The following ARHGAP15 variants were observed in gnomAD, a reference collection of about 807,000 sequenced individuals.
The protein encoded by ARHGAP15 is rho GTPase-activating protein 15.
A neutral mutation model predicts 63.7 loss-of-function variants in ARHGAP15; 51 were observed. The ratio of observed to expected loss-of-function variants is 0.80; its 90% CI spans 0.64 to 1.01. ARHGAP15 has a LOEUF of 1.01. ARHGAP15 is among the 50% of genes least tolerant of loss of function. The pLI is 0.00. For missense variants in ARHGAP15, 560 were observed against 564.6 expected, an observed-to-expected ratio of 0.99 and a Z score of 0.08; for synonymous variants, 191 against 193.8, an observed-to-expected ratio of 0.99 and a Z score of 0.12.
At chr2:143,659,970 G>C (rs1459229567) in intron 12 of ARHGAP15, among the ~76,000 whole-genome samples, 1 of 152,084 alleles carries the variant, frequency 6.6e-6, no homozygotes, top group African/African-American at 2.4e-5. Flanking sequence ...GCCACCATGG[G>C]CCAACATCCT....
At chr2:143,287,452 T>G (rs889751770) in intron 6 of ARHGAP15, among the ~76,000 whole-genome samples, 3 of 151,964 alleles carry the variant, frequency 2.0e-5, no homozygotes, top group Non-Finnish European at 2.9e-5. Context: ...CATTGAAAGT[T>G]CACTTCCAAA....
chr2:143,334,071 C>T (rs1188182948), intron 6 of ARHGAP15, among the ~76,000 whole-genome samples: 2 of 152,126 alleles, frequency 1.3e-5, no homozygotes, highest in Non-Finnish European at 2.9e-5. Flanking sequence ...TCAGATACTT[C>T]CATCTTACAC....
At chr2:143,265,096 A>G (rs1274658920) in intron 6 of ARHGAP15, among the ~76,000 whole-genome samples, 1 of 152,196 alleles carries the variant, frequency 6.6e-6, no homozygotes, top group East Asian at 1.9e-4. Flanking sequence ...GAGGCAATAT[A>G]ATTTGGCTTG....
intron 12 of ARHGAP15, among the ~76,000 whole-genome samples, chr2:143,661,831 C>T (rs1027013716): frequency 3.3e-5 from 5 of 152,194 alleles, no homozygotes; most frequent in Admixed American, 2.0e-4. Flanking sequence ...AAAATCGGGT[C>T]ACTCCCACCC....
chr2:143,264,319 A>C (rs1680886623), intron 6 of ARHGAP15, among the ~76,000 whole-genome samples: 1 of 152,062 alleles, frequency 6.6e-6, no homozygotes, highest in Non-Finnish European at 1.5e-5. Context: ...GCTACTTTTC[A>C]AATGGGAAGG....
intron 12 of ARHGAP15, among the ~76,000 whole-genome samples, chr2:143,695,685 C>T (rs150858354): frequency 7.8e-4 from 118 of 152,004 alleles, no homozygotes; most frequent in African/African-American, 2.7e-3. Flanking sequence ...CTGGGCAACA[C>T]GGTGAAACCC....
rs543703244 is a variant in ARHGAP15 at position 143,650,789 on chromosome 2, T to A, written c.1138+26522T>A. ...TCTATATGGTGGCAGTTAACATACC[T>A]CGCTATTTGGTATATAATGTTATTT... On this transcript the variant is annotated intron_variant, in intron 12 of 13. Transcript: ENST00000295095. Among the ~76,000 whole-genome samples, 3 of 152,074 alleles carry A rather than the reference T, an allele frequency of 2.0e-5. No homozygotes were observed. In the South Asian group the frequency reaches 6.2e-4, roughly 31 times the overall value.
At chr2:143,156,060 AT>A (rs559122573) in intron 2 of ARHGAP15, among the ~76,000 whole-genome samples, 8 of 151,410 alleles carry the variant, frequency 5.3e-5, no homozygotes, top group African/African-American at 2.0e-4. Context: ...AAAAAAAAAA[AT>A]GTGAAAATCT....
At chr2:143,132,859 A>G (rs1375511003) in intron 1 of ARHGAP15, among the ~76,000 whole-genome samples, 1 of 152,230 alleles carries the variant, frequency 6.6e-6, no homozygotes, top group Non-Finnish European at 1.5e-5. Context: ...ATCTGATTGA[A>G]ACATGAGTTT....
chr2:143,658,739 C>T (rs943106572), intron 12 of ARHGAP15, among the ~76,000 whole-genome samples: 1 of 152,174 alleles, frequency 6.6e-6, no homozygotes, highest in Non-Finnish European at 1.5e-5. Context: ...CCATGTCCTT[C>T]CTCTGTCACT....
intron 6 of ARHGAP15, among the ~76,000 whole-genome samples, chr2:143,263,948 T>G (rs1680868934): frequency 8.5e-6 from 1 of 117,602 alleles, no homozygotes; most frequent in African/African-American, 3.1e-5. Flanking sequence ...TTTTTTGTGC[T>G]CACCAACATA....
Position 143,231,069 on chromosome 2 carries a change from C to CTTTTTTTTTTTTT in ARHGAP15, c.384+2408_384+2420dup, listed in dbSNP as rs914904536. Reference sequence around the variant, plus strand: ...AGTTGGACTCTAGGGGATGTAATTCCTTTTTTTTTTTTTTTTTTTACCACT... The same window carrying CTTTTTTTTTTTTT: ...AGTTGGACTCTAGGGGATGTAATTCCTTTTTTTTTTTTTTTTTTTTTTTTTTTTTTTTACCACT... On this transcript the variant is annotated intron_variant, in intron 5 of 13. Coordinates refer to ENST00000295095, the MANE Select transcript of ARHGAP15 (RefSeq NM_018460.4). Among the ~76,000 whole-genome samples, 503 of 125,290 alleles carry CTTTTTTTTTTTTT rather than the reference C, an allele frequency of 4.0e-3. 12 individuals carry two copies. The highest frequency in any genetic ancestry group is 6.6e-3 in the East Asian group (29 of 4,418). The allele number at this position is 125,290 out of a possible 152,430, so 82.2% of individuals were successfully genotyped here.
At chr2:143,703,074 A>G (rs1684162158) in intron 12 of ARHGAP15, among the ~76,000 whole-genome samples, 1 of 152,228 alleles carries the variant, frequency 6.6e-6, no homozygotes, top group Non-Finnish European at 1.5e-5. Context: ...TAAGATCAGG[A>G]AGATAATGTC....
intron 11 of ARHGAP15, among the ~76,000 whole-genome samples, chr2:143,567,089 A>G (rs376604767): frequency 2.0e-5 from 3 of 152,004 alleles, no homozygotes; most frequent in East Asian, 3.9e-4. Flanking sequence ...GTTAGCCAGG[A>G]TGGTCTCGAT....
At chr2:143,184,334 A>G (rs1490697191) in intron 2 of ARHGAP15, among the ~76,000 whole-genome samples, 1 of 152,200 alleles carries the variant, frequency 6.6e-6, no homozygotes, top group Admixed American at 6.5e-5. Context: ...TGGTATTGCC[A>G]TCTAGCTAGC....
intron 11 of ARHGAP15, among the ~76,000 whole-genome samples, chr2:143,578,233 G>T (rs931789036): frequency 4.0e-5 from 6 of 151,558 alleles, no homozygotes; most frequent in African/African-American, 1.2e-4. Flanking sequence ...AATGTTTTAG[G>T]AGCAAAAACC....
intron 6 of ARHGAP15, among the ~76,000 whole-genome samples, chr2:143,354,626 CATG>C (rs755821145): frequency 1.6e-4 from 25 of 152,044 alleles, no homozygotes; most frequent in Non-Finnish European, 3.7e-4. Context: ...TTTAGCTCAT[CATG>C]ATATGTAGCA....
chr2:143,751,463 C>T (rs373996239), intron 13 of ARHGAP15, among the ~76,000 whole-genome samples: 4 of 152,144 alleles, frequency 2.6e-5, no homozygotes, highest in Non-Finnish European at 4.4e-5. Flanking sequence ...TTGTGGTGCT[C>T]GGAGTGTGTT....
chr2:143,754,808 C>T (rs1046466465), intron 13 of ARHGAP15, among the ~76,000 whole-genome samples: 3 of 152,204 alleles, frequency 2.0e-5, no homozygotes, highest in Admixed American at 6.5e-5. Context: ...ATCTACCTTC[C>T]AATCTACTGA....
Sources: gnomAD v4.1 joint callset for allele counts (sites outside exome capture counted in the v4.1 genomes callset) on GRCh38, gnomAD v4.1.1 for gene constraint, MANE v1.5 for transcripts, NCBI Gene and HGNC (gene_info 2026-07-23, HGNC 2026-07-21) for gene names.